ATRNL1: variants seen among roughly 807,000 people sequenced by gnomAD.
ATRNL1 encodes the protein attractin-like protein 1.
Under a neutral mutation model 182.7 loss-of-function variants are expected in ATRNL1, and 95 were observed. That is an observed-to-expected ratio of 0.52 (90% CI 0.44 to 0.62). The LOEUF (loss-of-function observed/expected upper bound fraction) is 0.62, where lower values mean the gene tolerates loss of function less well. ATRNL1 is among the 20% of genes least tolerant of loss of function. The probability of loss-of-function intolerance (pLI) is 0.00; values close to 1 mark genes in which losing one functional copy is unlikely to be tolerated. For synonymous variants in ATRNL1, 576 were observed against 568.3 expected, an observed-to-expected ratio of 1.01 and a Z score of -0.19; for missense variants, 1,471 against 1,679.5, an observed-to-expected ratio of 0.88 and a Z score of 2.17.
intron 21 of ATRNL1, among the ~76,000 whole-genome samples, chr10:115,434,584 A>G (rs1340416365): frequency 6.6e-6 from 1 of 152,220 alleles, no homozygotes; most frequent in South Asian, 2.1e-4. Flanking sequence ...AAGAGGATCT[A>G]AATAATTAAA....
At chr10:115,132,587 C>T (rs1554875515) in intron 5 of ATRNL1, among the ~76,000 whole-genome samples, 2 of 152,162 alleles carry the variant, frequency 1.3e-5, no homozygotes, top group African/African-American at 4.8e-5. Context: ...TTCTCTCCAG[C>T]ACCTGTTGTT....
chr10:115,204,218 C>T (rs1848712423), intron 8 of ATRNL1, among the ~76,000 whole-genome samples: 2 of 151,830 alleles, frequency 1.3e-5, no homozygotes, highest in African/African-American at 4.8e-5. Flanking sequence ...GAGTTTTTTA[C>T]ATATAACATC....
chr10:115,944,894 T>A lies in ATRNL1; in HGVS notation c.*115T>A. 1.6e-6 allele frequency: 2 copies of A among 1,228,778 alleles called. No individual in the cohort carries two copies. Among genetic ancestry groups the A allele is most frequent in the Non-Finnish European group, 2.2e-6 (2 of 930,058 alleles). The allele number at this position is 1,228,778 out of a possible 1,614,324, so 76.1% of individuals were successfully genotyped here. A position where few individuals can be genotyped will look rare whatever the true frequency, so the allele number is the denominator to read the frequency against. On this transcript the variant is annotated 3_prime_UTR_variant, in exon 29 of 29. Coordinates refer to ENST00000355044, the MANE Select transcript of ATRNL1 (RefSeq NM_207303.4). ...ATCTCTGTATCATCCAGAGCCTGAG[T>A]ACAGTTTCCTTCCAAATGGACAATG... is the stretch of plus-strand genomic sequence containing the variant.
intron 8 of ATRNL1, among the ~76,000 whole-genome samples, chr10:115,193,600 C>A (rs2144250455): frequency 6.6e-6 from 1 of 151,712 alleles, no homozygotes; most frequent in Non-Finnish European, 1.5e-5. Context: ...TTTAGGTCTT[C>A]TTTCTTTTTT....
intron 26 of ATRNL1, among the ~76,000 whole-genome samples, chr10:115,649,042 G>T (rs1555033598): frequency 6.6e-6 from 1 of 152,056 alleles, no homozygotes; most frequent in Non-Finnish European, 1.5e-5. Context: ...AATCAAGGAG[G>T]TTAGATAATG....
rs534581010 is a variant in ATRNL1, at chr10:115,101,564, A to C, written c.293+7521A>C. 7.9e-5 allele frequency among the ~76,000 whole-genome samples: 12 copies of C among 152,288 alleles called. No homozygotes were observed. The East Asian group carries it at 2.3e-3, about 29-fold the overall frequency. ...CCTAAGATAAACTTCCTCTGACACA[A>C]TATGCTTTCCTTTTTATTTTAGGTT... On this transcript the variant is annotated intron_variant, in intron 1 of 28. Transcript: ENST00000355044.
intron 27 of ATRNL1, among the ~76,000 whole-genome samples, chr10:115,842,527 A>G (rs1045508420): frequency 2.6e-5 from 4 of 152,088 alleles, no homozygotes; most frequent in Admixed American, 2.0e-4. Context: ...TTCATTTTCC[A>G]GTTGGGGAAA....
At chr10:115,689,047 T>C (rs1267012216) in intron 26 of ATRNL1, among the ~76,000 whole-genome samples, 1 of 152,182 alleles carries the variant, frequency 6.6e-6, no homozygotes, top group Non-Finnish European at 1.5e-5. Flanking sequence ...TACCATTTAT[T>C]GAAGAGAGTA....
intron 28 of ATRNL1, among the ~76,000 whole-genome samples, chr10:115,890,825 T>A (rs972854601): frequency 2.0e-5 from 3 of 152,174 alleles, no homozygotes; most frequent in Admixed American, 1.3e-4. Flanking sequence ...GATGGCCTGT[T>A]TGCTTCTGTG....
intron 28 of ATRNL1, among the ~76,000 whole-genome samples, chr10:115,852,717 C>G (rs1192559256): frequency 2.6e-5 from 4 of 152,136 alleles, no homozygotes; most frequent in Non-Finnish European, 5.9e-5. Context: ...GCCCTTATTC[C>G]TAAAAAAGCT....
At chr10:115,293,001 T>G (rs1852992459) in intron 15 of ATRNL1, among the ~76,000 whole-genome samples, 1 of 152,164 alleles carries the variant, frequency 6.6e-6, no homozygotes, top group Non-Finnish European at 1.5e-5. Flanking sequence ...TCTTTTTATA[T>G]CTAATAATAT....
At chr10:115,780,889 C>A (rs1049838845) in intron 27 of ATRNL1, among the ~76,000 whole-genome samples, 1 of 152,130 alleles carries the variant, frequency 6.6e-6, no homozygotes, top group African/African-American at 2.4e-5. Context: ...AGCACATTCC[C>A]AGCTGTGGCG....
intron 26 of ATRNL1, among the ~76,000 whole-genome samples, chr10:115,671,350 G>A (rs1945691929): frequency 6.6e-6 from 1 of 151,996 alleles, no homozygotes; most frequent in Admixed American, 6.6e-5. Context: ...GGAAAGAGAA[G>A]AAAAGAAAAA....
At chr10:115,869,100 A>AT (rs1214874802) in intron 28 of ATRNL1, among the ~76,000 whole-genome samples, 1 of 152,100 alleles carries the variant, frequency 6.6e-6, no homozygotes, top group Non-Finnish European at 1.5e-5. Flanking sequence ...AAGTGCTGGG[A>AT]TTACAGGCGT....
chr10:115,314,078 A>G (rs1564904363), intron 17 of ATRNL1, among the ~76,000 whole-genome samples: 1 of 152,170 alleles, frequency 6.6e-6, no homozygotes, highest in African/African-American at 2.4e-5. Context: ...AGCGCTGTGT[A>G]CTGTTGAAAA....
chr10:115,184,678 A>G (rs1564804537), intron 8 of ATRNL1, among the ~76,000 whole-genome samples: 1 of 151,880 alleles, frequency 6.6e-6, no homozygotes, highest in Non-Finnish European at 1.5e-5. Context: ...ACTTAGAAAC[A>G]TTGATTTTTA....
chr10:115,397,492 C>A (rs1007368233), intron 20 of ATRNL1, among the ~76,000 whole-genome samples: 3 of 151,828 alleles, frequency 2.0e-5, no homozygotes, highest in African/African-American at 4.8e-5. Context: ...CTAGAGTGAA[C>A]TTTTGGGGGG....
At chr10:115,408,436 G>C (rs1362189516) in intron 20 of ATRNL1, among the ~76,000 whole-genome samples, 1 of 152,098 alleles carries the variant, frequency 6.6e-6, no homozygotes, top group African/African-American at 2.4e-5. Flanking sequence ...TTGTTTTCTT[G>C]CTGTTGCAAT....
intron 25 of ATRNL1, among the ~76,000 whole-genome samples, chr10:115,540,749 C>T (rs1411500057): frequency 2.7e-5 from 3 of 110,752 alleles, no homozygotes; most frequent in Middle Eastern, 4.9e-3. Context: ...AAGAGCAAAA[C>T]TCCGTCTAAA....
Sources: allele counts gnomAD v4.1 joint callset (sites outside exome capture counted in the v4.1 genomes callset), GRCh38; gene constraint gnomAD v4.1.1; transcripts MANE v1.5; gene names NCBI Gene and HGNC (gene_info 2026-07-23, HGNC 2026-07-21).